The following ANKS1B variants were observed in gnomAD, a reference collection of about 807,000 sequenced individuals.
ANKS1B encodes the protein ankyrin repeat and sterile alpha motif domain containing 1B, also known as ankyrin repeat and sterile alpha motif domain-containing protein 1B.
A neutral mutation model predicts 148.3 loss-of-function variants in ANKS1B; 36 were observed. That is an observed-to-expected ratio of 0.24 (90% CI 0.19 to 0.32). The LOEUF (loss-of-function observed/expected upper bound fraction) is 0.32. ANKS1B is among the 10% of genes least tolerant of loss of function. The pLI is 1.00. For synonymous variants in ANKS1B, 542 were observed against 560.8 expected (o/e 0.97, Z 0.47); for missense variants, 1,157 against 1,542.6 (o/e 0.75, Z 4.19).
chr12:99,931,316 A>G (rs1019507328), intron 1 of ANKS1B, among the ~76,000 whole-genome samples: 1 of 151,324 alleles, frequency 6.6e-6, no homozygotes, highest in African/African-American at 2.4e-5. Context: ...CGTTGTGCAC[A>G]TGTACCCTAA....
At chr12:99,876,684 C>A (rs569061063) in intron 1 of ANKS1B, among the ~76,000 whole-genome samples, 1 of 150,602 alleles carries the variant, frequency 6.6e-6, no homozygotes. Context: ...AAGCCAAGAT[C>A]ATGCCACTAC....
chr12:99,472,567 T>C (rs573974624), intron 10 of ANKS1B, among the ~76,000 whole-genome samples: 2 of 152,286 alleles, frequency 1.3e-5, no homozygotes, highest in East Asian at 3.9e-4. Flanking sequence ...TCTGTTTTCA[T>C]TTTAACTAAT....
chr12:99,771,580 G>C (rs2063198127), intron 8 of ANKS1B, among the ~76,000 whole-genome samples: 1 of 151,984 alleles, frequency 6.6e-6, no homozygotes, highest in African/African-American at 2.4e-5. Flanking sequence ...ACCTATTTCA[G>C]ATTTTTTAAC....
intron 9 of ANKS1B, among the ~76,000 whole-genome samples, chr12:99,578,818 C>G (rs931241174): frequency 1.3e-5 from 2 of 152,018 alleles, no homozygotes; most frequent in African/African-American, 4.8e-5. Flanking sequence ...AAACTACCAA[C>G]ATCATTTTTC....
intron 24 of ANKS1B, among the ~76,000 whole-genome samples, chr12:98,776,445 T>G (rs1593337372): frequency 1.3e-5 from 2 of 152,352 alleles, no homozygotes; most frequent in South Asian, 4.1e-4. Context: ...GAGGGGCTCC[T>G]CCTGCCTCTT....
intron 17 of ANKS1B, among the ~76,000 whole-genome samples, chr12:98,930,473 T>C (rs1028881196): frequency 6.6e-6 from 1 of 152,150 alleles, no homozygotes; most frequent in Non-Finnish European, 1.5e-5. Flanking sequence ...GGATACAAAA[T>C]TTGTACATAA....
chr12:98,899,549 G>A (rs892442496), intron 17 of ANKS1B, among the ~76,000 whole-genome samples: 4 of 152,256 alleles, frequency 2.6e-5, no homozygotes, highest in East Asian at 1.9e-4. Context: ...CCTTAAGAGC[G>A]GCTTCCCTGA....
chr12:98,955,939 C>T (rs1363410711), intron 17 of ANKS1B, among the ~76,000 whole-genome samples: 1 of 152,186 alleles, frequency 6.6e-6, no homozygotes, highest in South Asian at 2.1e-4. Context: ...AACTTTTTGT[C>T]TACTTCCTCA....
At chr12:99,772,873 A>C in intron 8 of ANKS1B, 49 bp downstream of exon 8, 2 of 1,557,682 alleles carry the variant, frequency 1.3e-6, no homozygotes, top group Non-Finnish European at 1.7e-6. Context: ...GTACACACTG[A>C]ACTGGCAAAG....
At chr12:99,253,617 A>T (rs2074913557) in intron 12 of ANKS1B, among the ~76,000 whole-genome samples, 1 of 152,228 alleles carries the variant, frequency 6.6e-6, no homozygotes, top group South Asian at 2.1e-4. Flanking sequence ...AATGGATTAT[A>T]ACCCACTGAA....
At chr12:99,654,355 G>A (rs2098439839) in intron 9 of ANKS1B, among the ~76,000 whole-genome samples, 2 of 152,048 alleles carry the variant, frequency 1.3e-5, no homozygotes, top group Admixed American at 6.6e-5. Context: ...TTCCACCCAC[G>A]TTCTATGTAA....
chr12:99,042,446 G>A (rs1338065109), intron 17 of ANKS1B, among the ~76,000 whole-genome samples: 2 of 152,190 alleles, frequency 1.3e-5, no homozygotes, highest in Non-Finnish European at 2.9e-5. Context: ...CCAGATGTGA[G>A]GGAGCCAGAT....
chr12:99,180,751 C>G (rs2079018884), intron 14 of ANKS1B, among the ~76,000 whole-genome samples: 1 of 150,436 alleles, frequency 6.6e-6, no homozygotes, highest in Non-Finnish European at 1.5e-5. Context: ...GGTCCAAACA[C>G]AAAACCCCAA....
chr12:99,169,241 C>T (rs1255245937), intron 14 of ANKS1B, among the ~76,000 whole-genome samples: 2 of 152,118 alleles, frequency 1.3e-5, no homozygotes, highest in African/African-American at 4.8e-5. Context: ...AGAGACATGA[C>T]TTCCTATTGT....
chr12:99,565,341 C>T (rs2097377977), intron 9 of ANKS1B, among the ~76,000 whole-genome samples: 1 of 152,166 alleles, frequency 6.6e-6, no homozygotes, highest in Non-Finnish European at 1.5e-5. Flanking sequence ...GGCACAAATC[C>T]TTCCATATAT....
At chr12:98,950,154 G>C (rs1419421232) in intron 17 of ANKS1B, among the ~76,000 whole-genome samples, 23 of 152,144 alleles carry the variant, frequency 1.5e-4, no homozygotes, top group Admixed American at 1.5e-3. Flanking sequence ...AACTCCCAAG[G>C]GTTCAACCAC....
chr12:99,600,127 T>C (rs1350566165), intron 9 of ANKS1B, among the ~76,000 whole-genome samples: 1 of 151,924 alleles, frequency 6.6e-6, no homozygotes. Context: ...TGGAAAATTA[T>C]CTTATTAAAG....
intron 8 of ANKS1B, among the ~76,000 whole-genome samples, chr12:99,755,547 G>C (rs1395848097): frequency 2.9e-5 from 3 of 103,114 alleles, no homozygotes; most frequent in Non-Finnish European, 6.0e-5. Flanking sequence ...CACAAAAAAA[G>C]AAAAATTCAC....
At chr12:99,578,436 T>C (rs1281859644) in intron 9 of ANKS1B, among the ~76,000 whole-genome samples, 1 of 152,170 alleles carries the variant, frequency 6.6e-6, no homozygotes, top group Non-Finnish European at 1.5e-5. Flanking sequence ...TTGCAGATTA[T>C]GATTCTACAC....
Sources: allele counts gnomAD v4.1 joint callset (sites outside exome capture counted in the v4.1 genomes callset), GRCh38; gene constraint gnomAD v4.1.1; transcripts MANE v1.5; gene names NCBI Gene and HGNC (gene_info 2026-07-23, HGNC 2026-07-21).